Variants in APIP observed in about 807,000 individuals in gnomAD.
APIP encodes the protein APAF1 interacting protein, also known as methylthioribulose-1-phosphate dehydratase.
Under a neutral mutation model 32.0 loss-of-function variants are expected in APIP, and 32 were observed. The observed-to-expected ratio is 1.00, with a 90% CI of 0.76 to 1.34. The LOEUF (loss-of-function observed/expected upper bound fraction) is 1.34, where lower values mean the gene tolerates loss of function less well. APIP is among the 40% of genes most tolerant of loss of function. The probability of loss-of-function intolerance (pLI) is 0.00; values close to 1 mark genes in which losing one functional copy is unlikely to be tolerated. For synonymous variants in APIP, 92 were observed against 94.8 expected (o/e 0.97, Z 0.17); for missense variants, 247 against 298.6 (o/e 0.83, Z 1.27).
chr11:34,885,646 T>G (rs747497072), intron 5 of APIP, among the ~76,000 whole-genome samples: 1 of 152,158 alleles, frequency 6.6e-6, no homozygotes, highest in African/African-American at 2.4e-5. Context: ...CTTTGAACAA[T>G]AGGCTCTAGA....
In APIP at chr11:34,899,465, T is replaced by C. The variant is rs953881163; in HGVS notation, c.58-4355A>G. 9.8e-5 allele frequency among the ~76,000 whole-genome samples: 15 copies of C among 152,306 alleles called. No homozygotes were observed. The East Asian group carries it at 2.9e-3, about 29-fold the overall frequency. Reference sequence around the variant, plus strand: ...TCTGATTAAGGTAGTACTGAGCTAGTAAGGGGATTTTAAGTCCAGAAGTTA... The same window carrying C: ...TCTGATTAAGGTAGTACTGAGCTAGCAAGGGGATTTTAAGTCCAGAAGTTA... On this transcript the variant is annotated intron_variant, in intron 1 of 6. Transcript: ENST00000395787.
intron 1 of APIP, among the ~76,000 whole-genome samples, chr11:34,898,351 C>A (rs1853313702): frequency 6.6e-6 from 1 of 152,078 alleles, no homozygotes; most frequent in African/African-American, 2.4e-5. Flanking sequence ...CCCTCAATAC[C>A]CACGGGTCAT....
At chr11:34,902,556 C>T (rs1853385305) in intron 1 of APIP, among the ~76,000 whole-genome samples, 1 of 152,176 alleles carries the variant, frequency 6.6e-6, no homozygotes, top group African/African-American at 2.4e-5. Context: ...TCCCTCACCC[C>T]CAAACCCTCA....
chr11:34,899,093 T>C (rs1217985308), intron 1 of APIP, among the ~76,000 whole-genome samples: 1 of 151,776 alleles, frequency 6.6e-6, no homozygotes, highest in Admixed American at 6.6e-5. Context: ...ATGGTCTCAA[T>C]CTCCTGACCT....
intron 2 of APIP, among the ~76,000 whole-genome samples, chr11:34,894,103 T>A (rs16926365): frequency 0.055 from 8,400 of 152,226 alleles, 378 homozygotes; most frequent in African/African-American, 0.12. Flanking sequence ...AGCAAGTTAC[T>A]TCTTACTCAC....
intron 1 of APIP, among the ~76,000 whole-genome samples, chr11:34,909,959 G>A (rs1317930557): frequency 6.6e-6 from 1 of 152,142 alleles, no homozygotes; most frequent in Non-Finnish European, 1.5e-5. Context: ...ATTGTCTTCA[G>A]TATAAACAAA....
At chr11:34,904,825 G>C (rs1853419849) in intron 1 of APIP, among the ~76,000 whole-genome samples, 1 of 152,184 alleles carries the variant, frequency 6.6e-6, no homozygotes, top group Admixed American at 6.5e-5. Context: ...AGACCTGAGG[G>C]AGCAACCCCT....
intron 1 of APIP, among the ~76,000 whole-genome samples, chr11:34,897,471 C>G (rs951091887): frequency 6.6e-5 from 10 of 151,646 alleles, no homozygotes; most frequent in Non-Finnish European, 1.5e-4. Flanking sequence ...ATTAAAATAG[C>G]AAAACTATTA....
intron 1 of APIP, among the ~76,000 whole-genome samples, chr11:34,906,173 T>A (rs201895855): frequency 1.3e-5 from 2 of 151,902 alleles, no homozygotes; most frequent in Admixed American, 1.3e-4. Flanking sequence ...CTACTTTTTT[T>A]TTTGTGGCTC....
rs749560956 is a variant in APIP, at chr11:34,916,204, G to C, written c.57+24C>G. ...CTGGGCCTCTCCTCCTGGGAATACC[G>C]GGCACCGGTGGCCCCGCCCCTACCT... On this transcript the variant is annotated intron_variant, in intron 1 of 6. Coordinates refer to ENST00000395787, the MANE Select transcript of APIP (RefSeq NM_015957.4). 5.0e-6 allele frequency: 8 copies of C among 1,604,412 alleles called. No individual in the cohort carries two copies. In the Middle Eastern group the frequency reaches 7.6e-4, roughly 153 times the overall value.
Position 34,894,197 on chromosome 11 carries a change from C to A in APIP, c.158+813G>T, listed in dbSNP as rs78865569. On this transcript the variant is annotated intron_variant, in intron 2 of 6. Transcript: ENST00000395787. ...CAATGAGCAATTGAATACTATTTAT[C>A]CTTTCTGCTTCAATTTAAGTCCAGT... Among the ~76,000 whole-genome samples the A allele has an allele frequency of 4.3e-3, 655 of 152,184 alleles. 4 individuals are homozygous for A. Among genetic ancestry groups the A allele is most frequent in the African/African-American group, 0.015 (622 of 41,504 alleles).
chr11:34,901,242 G>A (rs1223210935), intron 1 of APIP, among the ~76,000 whole-genome samples: 1 of 152,068 alleles, frequency 6.6e-6, no homozygotes, highest in Non-Finnish European at 1.5e-5. Flanking sequence ...GCAAATCAGG[G>A]CATTTTAAGA....
intron 2 of APIP, 25 bp downstream of exon 2, chr11:34,894,985 G>T: frequency 6.3e-6 from 10 of 1,587,064 alleles, no homozygotes; most frequent in Non-Finnish European, 8.7e-6. Flanking sequence ...AGAGTTCCCA[G>T]TAATAAAGGC....
At position 34,898,786 on chromosome 11, in the gene APIP, G is replaced by GTTT. The variant is rs57593563; in HGVS notation, c.58-3679_58-3677dup. ...CGAGCACATAGTATTTCTTTCTTTG[G>GTTT]TTTTTTTTTTTTTTTTTTTTTTTTT... is the stretch of plus-strand genomic sequence containing the variant. On this transcript the variant is annotated intron_variant, in intron 1 of 6. Transcript: ENST00000395787. 1.2e-3 allele frequency among the ~76,000 whole-genome samples: 67 copies of GTTT among 55,190 alleles called. 2 individuals carry two copies. The highest frequency in any genetic ancestry group is 2.5e-3 in the African/African-American group (30 of 11,972). The allele number at this position is 55,190 out of a possible 152,430, so 36.2% of individuals were successfully genotyped here.
intron 1 of APIP, among the ~76,000 whole-genome samples, chr11:34,910,414 A>T (rs1044145380): frequency 6.6e-6 from 1 of 152,234 alleles, no homozygotes; most frequent in African/African-American, 2.4e-5. Flanking sequence ...AGGGCTAGAC[A>T]GGGAAAAAGA....
At chr11:34,898,170 A>C (rs1853309570) in intron 1 of APIP, among the ~76,000 whole-genome samples, 1 of 152,164 alleles carries the variant, frequency 6.6e-6, no homozygotes. Context: ...TGGTGAGTAT[A>C]GGAGCAAGCT....
chr11:34,883,590 GT>G, intron 5 of APIP, 86 bp from the exon 6 acceptor site: 1 of 1,385,396 alleles, frequency 7.2e-7, no homozygotes, highest in Non-Finnish European at 9.9e-7. Context: ...CAAGTAACCA[GT>G]TAGACATGCT....
intron 1 of APIP, among the ~76,000 whole-genome samples, chr11:34,909,682 CG>C (rs1289384003): frequency 6.4e-4 from 98 of 152,008 alleles, no homozygotes; most frequent in Non-Finnish European, 4.9e-4. Flanking sequence ...CTGAGGGTGG[CG>C]GAAGATAAAT....
At chr11:34,891,792 T>C (rs1853191150) in intron 2 of APIP, among the ~76,000 whole-genome samples, 1 of 152,208 alleles carries the variant, frequency 6.6e-6, no homozygotes, top group Non-Finnish European at 1.5e-5. Flanking sequence ...GACATTCCTC[T>C]GCAACCAGTG....
Sources: gnomAD v4.1 joint callset for allele counts (sites outside exome capture counted in the v4.1 genomes callset) on GRCh38, gnomAD v4.1.1 for gene constraint, MANE v1.5 for transcripts, NCBI Gene and HGNC (gene_info 2026-07-23, HGNC 2026-07-21) for gene names.